Variants in IQCM observed in about 807,000 individuals in gnomAD.
IQCM encodes the protein IQ motif containing M.
In IQCM, 45 loss-of-function variants were observed where a neutral mutation model predicts 57.6. The ratio of observed to expected loss-of-function variants is 0.78; its 90% CI spans 0.62 to 1.00. The LOEUF (loss-of-function observed/expected upper bound fraction) is 1.00. Among genes scored for constraint, IQCM ranks in the 50% least tolerant of loss-of-function variants. The pLI is 0.00. For synonymous variants in IQCM, 148 were observed against 158.9 expected, an observed-to-expected ratio of 0.93 and a Z score of 0.51; for missense variants, 468 against 511.6, an observed-to-expected ratio of 0.91 and a Z score of 0.82.
Position 149,401,567 on chromosome 4 carries a change from T to C in IQCM, c.1390+31829A>G, listed in dbSNP as rs532003299. ...GTGATAAATAAGTTGATTGTGTCAC[T>C]ATATAGACTAGCAAACATCTCATGG... On this transcript the variant is annotated intron_variant, in intron 13 of 13. Coordinates refer to ENST00000636793, the MANE Select transcript of IQCM (RefSeq NM_001363507.2). Among the ~76,000 whole-genome samples the C allele has an allele frequency of 5.9e-5, 9 of 151,916 alleles. No homozygotes were observed. In the South Asian group the frequency reaches 1.9e-3, roughly 31 times the overall value.
chr4:149,603,489 T>C (rs1374811101), intron 8 of IQCM, among the ~76,000 whole-genome samples: 1 of 152,144 alleles, frequency 6.6e-6, no homozygotes, highest in African/African-American at 2.4e-5. Flanking sequence ...GTCTCACCAT[T>C]TGTGACCTAT....
chr4:149,578,038 T>C (rs955071529), intron 9 of IQCM, among the ~76,000 whole-genome samples: 1 of 151,740 alleles, frequency 6.6e-6, no homozygotes, highest in East Asian at 2.0e-4. Context: ...CATTGGTGAA[T>C]AGAAATACTA....
At chr4:149,678,770 G>A (rs1004566194) in intron 7 of IQCM, among the ~76,000 whole-genome samples, 7 of 151,284 alleles carry the variant, frequency 4.6e-5, no homozygotes, top group African/African-American at 1.5e-4. Flanking sequence ...AAAGACATAC[G>A]AATGGCCAAT....
intron 12 of IQCM, among the ~76,000 whole-genome samples, chr4:149,525,345 T>G (rs1746053452): frequency 6.6e-6 from 1 of 151,914 alleles, no homozygotes; most frequent in Admixed American, 6.6e-5. Flanking sequence ...TAAAATGTAT[T>G]AAATCAAAAT....
At chr4:149,555,568 A>G (rs573674760) in intron 10 of IQCM, among the ~76,000 whole-genome samples, 15 of 152,356 alleles carry the variant, frequency 9.8e-5, no homozygotes, top group African/African-American at 3.4e-4. Context: ...CTTTCTGTAT[A>G]GGATTTGGCT....
chr4:149,499,883 C>T (rs1046321242), intron 12 of IQCM, among the ~76,000 whole-genome samples: 1 of 152,086 alleles, frequency 6.6e-6, no homozygotes, highest in Non-Finnish European at 1.5e-5. Context: ...CAAGGGAATA[C>T]AAAGAATACC....
chr4:149,627,622 A>C (rs1756925790), intron 7 of IQCM, among the ~76,000 whole-genome samples: 1 of 152,058 alleles, frequency 6.6e-6, no homozygotes, highest in Admixed American at 6.6e-5. Context: ...AGGTTGTGTG[A>C]ACCCAGGTCT....
At chr4:149,577,106 A>G (rs2149975337) in intron 9 of IQCM, among the ~76,000 whole-genome samples, 1 of 151,772 alleles carries the variant, frequency 6.6e-6, no homozygotes, top group Non-Finnish European at 1.5e-5. Context: ...TGTTGATTTA[A>G]GTTCCTTATA....
At chr4:149,805,284 T>A (rs1471523098) in intron 2 of IQCM, among the ~76,000 whole-genome samples, 1 of 152,094 alleles carries the variant, frequency 6.6e-6, no homozygotes, top group African/African-American at 2.4e-5. Context: ...TGCTTTTCTG[T>A]TTGTTTTTAA....
chr4:149,553,466 T>C (rs1749233499), intron 10 of IQCM, among the ~76,000 whole-genome samples, 179 bp from the exon 11 acceptor site: 1 of 152,212 alleles, frequency 6.6e-6, no homozygotes, highest in Admixed American at 6.5e-5. Flanking sequence ...AGTTCAGAGA[T>C]TTCCATTATG....
At chr4:149,455,528 C>T (rs1023948589) in intron 12 of IQCM, among the ~76,000 whole-genome samples, 10 of 152,198 alleles carry the variant, frequency 6.6e-5, no homozygotes, top group South Asian at 2.1e-4. Context: ...TTTACAACTC[C>T]CAGACACTCA....
chr4:149,715,213 A>G (rs967758958), intron 5 of IQCM, among the ~76,000 whole-genome samples: 1 of 152,136 alleles, frequency 6.6e-6, no homozygotes, highest in Admixed American at 6.5e-5. Context: ...CTCAGCTCAC[A>G]TTACTGGCCC....
intron 13 of IQCM, among the ~76,000 whole-genome samples, chr4:149,418,997 A>G (rs951561592): frequency 1.3e-5 from 2 of 152,162 alleles, no homozygotes; most frequent in African/African-American, 2.4e-5. Context: ...GAGAGAACAC[A>G]AACAAATGGA....
chr4:149,773,088 A>C (rs1770739518), intron 2 of IQCM, among the ~76,000 whole-genome samples: 2 of 152,200 alleles, frequency 1.3e-5, no homozygotes, highest in South Asian at 4.1e-4. Flanking sequence ...GTGGTGGCTC[A>C]CGCCTCTAAT....
intron 13 of IQCM, among the ~76,000 whole-genome samples, chr4:149,391,980 T>C (rs1731887899): frequency 6.6e-6 from 1 of 152,016 alleles, no homozygotes; most frequent in Admixed American, 6.6e-5. Flanking sequence ...TCTAGATGTC[T>C]ATTAAAGTCT....
In IQCM at chr4:149,444,669, A is replaced by G. The variant is rs189515764; in HGVS notation, c.1229-11112T>C. 2.8e-3 allele frequency among the ~76,000 whole-genome samples: 429 copies of G among 151,970 alleles called. 7 individuals carry two copies. Among genetic ancestry groups the G allele is most frequent in the African/African-American group, 9.8e-3 (406 of 41,530 alleles). On this transcript the variant is annotated intron_variant, in intron 12 of 13. Coordinates refer to ENST00000636793, the MANE Select transcript of IQCM (RefSeq NM_001363507.2). The stretch of plus-strand genomic sequence containing the variant: ...TTAAAGAAGATTGCATTAAAAAATT[A>G]TATGAAAACTGAAAAAAAAACAGAT...
chr4:149,683,064 A>G (rs1210512125), intron 6 of IQCM, among the ~76,000 whole-genome samples: 1 of 151,244 alleles, frequency 6.6e-6, no homozygotes, highest in Non-Finnish European at 1.5e-5. Context: ...ATCTTTCTTT[A>G]TAAATGTACA....
chr4:149,539,907 G>C (rs1409766479), intron 12 of IQCM, among the ~76,000 whole-genome samples: 1 of 152,014 alleles, frequency 6.6e-6, no homozygotes, highest in Non-Finnish European at 1.5e-5. Flanking sequence ...ATTGCATCCT[G>C]ATTAAATTGA....
intron 4 of IQCM, among the ~76,000 whole-genome samples, 181 bp from the exon 5 acceptor site, chr4:149,733,689 A>G (rs1453034348): frequency 6.6e-6 from 1 of 151,844 alleles, no homozygotes; most frequent in Non-Finnish European, 1.5e-5. Context: ...TAACCAGCTA[A>G]ATCAGATGTT....
Sources: gnomAD v4.1 joint callset for allele counts (sites outside exome capture counted in the v4.1 genomes callset) on GRCh38, gnomAD v4.1.1 for gene constraint, MANE v1.5 for transcripts, NCBI Gene and HGNC (gene_info 2026-07-23, HGNC 2026-07-21) for gene names.